Variants in ST7 observed in about 807,000 individuals in gnomAD.
ST7 encodes the protein suppression of tumorigenicity 7, also known as suppressor of tumorigenicity 7 protein.
A neutral mutation model predicts 78.7 loss-of-function variants in ST7; 28 were observed. That is an observed-to-expected ratio of 0.36 (90% CI 0.26 to 0.49). ST7 has a LOEUF of 0.49. ST7 is among the 20% of genes least tolerant of loss of function. The probability of loss-of-function intolerance (pLI) is 0.99; values close to 1 mark genes in which losing one functional copy is unlikely to be tolerated. For missense variants in ST7, 418 were observed against 696.0 expected (o/e 0.60, Z 4.49); for synonymous variants, 247 against 249.6 (o/e 0.99, Z 0.10).
intron 2 of ST7, chr7:117,117,928 C>T (rs1168661000): frequency 6.6e-6 from 1 of 152,156 alleles, no homozygotes; most frequent in East Asian, 1.9e-4. Flanking sequence ...CTTCTAGATC[C>T]ATGGTGTGTA....
chr7:117,071,373 A>C (rs1251803024), intron 1 of ST7, among the ~76,000 whole-genome samples: 1 of 152,338 alleles, frequency 6.6e-6, no homozygotes. Flanking sequence ...TAAAAAAAAA[A>C]ACTTTTAAAC....
chr7:117,111,576 G>A (rs1374878501), intron 2 of ST7, among the ~76,000 whole-genome samples: 1 of 152,182 alleles, frequency 6.6e-6, no homozygotes, highest in Admixed American at 6.5e-5. Flanking sequence ...CAAGGTGAAA[G>A]CTAGCAATGA....
intron 1 of ST7, among the ~76,000 whole-genome samples, chr7:117,034,995 A>G (rs1213868058): frequency 6.6e-6 from 1 of 152,136 alleles, no homozygotes; most frequent in South Asian, 2.1e-4. Flanking sequence ...ACCCTCCAAG[A>G]CTTATGCTTA....
At chr7:117,174,611 C>T (rs998389870) in intron 10 of ST7, among the ~76,000 whole-genome samples, 2 of 152,000 alleles carry the variant, frequency 1.3e-5, no homozygotes, top group Non-Finnish European at 2.9e-5. Flanking sequence ...TGCTTTTAAC[C>T]ACCACACTTA....
At chr7:117,184,940 T>G (rs1419230382) in intron 10 of ST7, among the ~76,000 whole-genome samples, 3 of 152,200 alleles carry the variant, frequency 2.0e-5, no homozygotes, top group Non-Finnish European at 4.4e-5. Context: ...CCTCTAATTA[T>G]GTCGAAATAT....
At chr7:117,217,259 C>T (rs1315142636) in intron 13 of ST7, among the ~76,000 whole-genome samples, 7 of 151,534 alleles carry the variant, frequency 4.6e-5, no homozygotes, top group Admixed American at 1.3e-4. Flanking sequence ...AACCCAGCAG[C>T]CCTTTGCACA....
chr7:117,213,005 T>C (rs1248539010), intron 13 of ST7, among the ~76,000 whole-genome samples: 1 of 152,204 alleles, frequency 6.6e-6, no homozygotes, highest in East Asian at 1.9e-4. Flanking sequence ...CAGCTACTTA[T>C]AGTAGCATTT....
At chr7:117,213,099 A>C (rs1288615780) in intron 13 of ST7, among the ~76,000 whole-genome samples, 1 of 152,226 alleles carries the variant, frequency 6.6e-6, no homozygotes, top group Non-Finnish European at 1.5e-5. Context: ...TGGTGACTTC[A>C]GGAAAGTTGC....
rs564708661 is a variant in ST7, at chr7:116,976,160, G to C, written c.151+22469G>C. Among the ~76,000 whole-genome samples, 3 of 152,222 alleles carry C rather than the reference G, an allele frequency of 2.0e-5. No homozygotes were observed. The East Asian group carries it at 5.8e-4, about 29-fold the overall frequency. On this transcript the variant is annotated intron_variant, in intron 1 of 15. Coordinates refer to ENST00000323984, the MANE Select transcript of ST7 (RefSeq NM_001369598.1). ...GGAGCCTGCAATCTCAGCTACTTGG[G>C]AGGCTGAGGGAGAGAATTGCCTGAA...
chr7:117,072,637 G>A (rs143319622), intron 1 of ST7: 1 of 152,264 alleles, frequency 6.6e-6, no homozygotes, highest in East Asian at 1.9e-4. Flanking sequence ...ACTAGATGTA[G>A]AAATACATCC....
intron 9 of ST7, among the ~76,000 whole-genome samples, chr7:117,147,409 A>G (rs1389760669): frequency 6.6e-6 from 1 of 152,066 alleles, no homozygotes; most frequent in African/African-American, 2.4e-5. Context: ...CTTACGAGCA[A>G]TACCTGACTA....
intron 10 of ST7, among the ~76,000 whole-genome samples, chr7:117,180,203 A>G (rs868436626): frequency 3.3e-5 from 5 of 152,202 alleles, no homozygotes; most frequent in African/African-American, 4.8e-5. Context: ...TCAAGGGAGC[A>G]TAACTAAGGG....
At chr7:116,994,002 A>C (rs1385929550) in intron 1 of ST7, among the ~76,000 whole-genome samples, 1 of 152,226 alleles carries the variant, frequency 6.6e-6, no homozygotes. Context: ...AATTATGCTA[A>C]AATATATCAT....
intron 1 of ST7, among the ~76,000 whole-genome samples, chr7:117,064,047 A>C (rs1005029590): frequency 6.6e-6 from 1 of 152,228 alleles, no homozygotes; most frequent in African/African-American, 2.4e-5. Flanking sequence ...TGACAACACA[A>C]TATAGCATTT....
chr7:117,189,977 G>A (rs956335859), intron 11 of ST7, among the ~76,000 whole-genome samples: 4 of 152,332 alleles, frequency 2.6e-5, no homozygotes, highest in Admixed American at 2.6e-4. Context: ...CTGCTTTTGA[G>A]TTCATAAACT....
At chr7:117,198,816 A>G (rs1008525190) in intron 12 of ST7, among the ~76,000 whole-genome samples, 1 of 152,018 alleles carries the variant, frequency 6.6e-6, no homozygotes, top group Non-Finnish European at 1.5e-5. Flanking sequence ...TACTTTGATT[A>G]TAGAGCCAGG....
In ST7 at chr7:116,972,785, C is replaced by T. The variant is rs990401653; in HGVS notation, c.151+19094C>T. The T allele has an allele frequency of 3.2e-6, 3 of 944,758 alleles. No homozygotes were observed. The South Asian group carries it at 3.9e-5, about 12-fold the overall frequency. The allele number at this position is 944,758 out of a possible 1,614,324, so 58.5% of individuals were successfully genotyped here. A position where few individuals can be genotyped will look rare whatever the true frequency, so the allele number is the denominator to read the frequency against. On this transcript the variant is annotated intron_variant, in intron 1 of 15. Transcript: ENST00000323984. Reference sequence around the variant, plus strand: ...GAGGCCACCTCAGCCTCAGCCTGTTCCTGGGAACACCTTTCTCCCTCAACT... The same window carrying T: ...GAGGCCACCTCAGCCTCAGCCTGTTTCTGGGAACACCTTTCTCCCTCAACT...
chr7:117,136,276 T>G (rs774635169), intron 8 of ST7, 41 bp downstream of exon 8: 33 of 1,612,864 alleles, frequency 2.0e-5, no homozygotes, highest in Non-Finnish European at 2.8e-5. Flanking sequence ...GGATCAGAAT[T>G]GTAAAAATTA....
chr7:116,967,118 C>CTG (rs1793157425), intron 1 of ST7, among the ~76,000 whole-genome samples: 1 of 139,456 alleles, frequency 7.2e-6, no homozygotes, highest in African/African-American at 2.6e-5. Flanking sequence ...TTCTATCACT[C>CTG]TTTTTTTTTT....
Sources: gnomAD v4.1 joint callset for allele counts (sites outside exome capture counted in the v4.1 genomes callset) on GRCh38, gnomAD v4.1.1 for gene constraint, MANE v1.5 for transcripts, NCBI Gene and HGNC (gene_info 2026-07-23, HGNC 2026-07-21) for gene names.